The following TESK2 variants were observed in gnomAD, a reference collection of about 807,000 sequenced individuals.
TESK2 encodes dual specificity testis-specific protein kinase 2.
Under a neutral mutation model 57.1 loss-of-function variants are expected in TESK2, and 39 were observed. The observed-to-expected ratio is 0.68, with a 90% CI of 0.53 to 0.89. TESK2 has a LOEUF of 0.89. Among genes scored for constraint, TESK2 ranks in the 40% least tolerant of loss-of-function variants. TESK2 has a pLI of 0.00. For missense variants in TESK2, 646 were observed against 732.1 expected (o/e 0.88, Z 1.36); for synonymous variants, 249 against 267.9 (o/e 0.93, Z 0.69).
rs902189924 is a variant in TESK2 at position 45,377,421 on chromosome 1, T to C, written c.393+8491A>G. ...AAGGATTCTAATAAGAGAACAAGGA[T>C]TTTTTTTTTTTTTTTTTGAGACAGT... On this transcript the variant is annotated intron_variant, in intron 4 of 10. Transcript: ENST00000372086. 1.3e-3 allele frequency among the ~76,000 whole-genome samples: 152 copies of C among 116,266 alleles called. No homozygotes were observed. The East Asian group carries it at 0.023, about 17-fold the overall frequency. 76.3% of individuals were successfully genotyped at this position (116,266 alleles called of 152,430 possible). A position where few individuals can be genotyped will look rare whatever the true frequency, so the allele number is the denominator to read the frequency against.
chr1:45,349,195 G>A (rs1426536581), intron 5 of TESK2, among the ~76,000 whole-genome samples: 2 of 151,378 alleles, frequency 1.3e-5, no homozygotes, highest in Non-Finnish European at 2.9e-5. Flanking sequence ...GCTTACTCCT[G>A]TCAGGTACAA....
intron 4 of TESK2, among the ~76,000 whole-genome samples, chr1:45,378,827 C>T (rs1020741524): frequency 6.6e-6 from 1 of 152,146 alleles, no homozygotes; most frequent in Non-Finnish European, 1.5e-5. Context: ...TCTACCTTCC[C>T]GTGTATTTTC....
chr1:45,398,873 C>T (rs1228190799), intron 3 of TESK2: 3 of 411,668 alleles, frequency 7.3e-6, no homozygotes, highest in African/African-American at 6.4e-5. Flanking sequence ...CAGCTTCTTC[C>T]TTCATCTGCC....
At chr1:45,464,651 C>T (rs1652466206) in intron 1 of TESK2, among the ~76,000 whole-genome samples, 1 of 152,124 alleles carries the variant, frequency 6.6e-6, no homozygotes, top group African/African-American at 2.4e-5. Flanking sequence ...ATGTTTCATT[C>T]GTAACAAAAT....
At chr1:45,387,311 T>C (rs1000115116) in intron 3 of TESK2, among the ~76,000 whole-genome samples, 2 of 152,176 alleles carry the variant, frequency 1.3e-5, no homozygotes, top group South Asian at 2.1e-4. Context: ...ATTTAAGTGA[T>C]ATTTGAAGTT....
At chr1:45,391,534 T>C (rs1038845595) in intron 3 of TESK2, among the ~76,000 whole-genome samples, 1 of 152,196 alleles carries the variant, frequency 6.6e-6, no homozygotes, top group Non-Finnish European at 1.5e-5. Context: ...TATCTCTGCA[T>C]TTCTACTACC....
intron 1 of TESK2, among the ~76,000 whole-genome samples, chr1:45,482,451 C>G (rs1350139622): frequency 6.6e-6 from 1 of 151,994 alleles, no homozygotes; most frequent in Non-Finnish European, 1.5e-5. Flanking sequence ...TGGCTTGAGC[C>G]TGGGAGGTCG....
At chr1:45,402,864 A>G (rs896908387) in intron 3 of TESK2, among the ~76,000 whole-genome samples, 5 of 151,928 alleles carry the variant, frequency 3.3e-5, no homozygotes, top group African/African-American at 1.2e-4. Flanking sequence ...CCTGTAACGT[A>G]CTCTACCAGA....
At chr1:45,420,407 T>A (rs1228902731) in intron 3 of TESK2, among the ~76,000 whole-genome samples, 2 of 460 alleles carry the variant, frequency 4.3e-3, no homozygotes, top group Non-Finnish European at 0.053. Context: ...CCTGGCTAAT[T>A]TTTTTTTGTT....
intron 2 of TESK2, among the ~76,000 whole-genome samples, chr1:45,450,498 C>T (rs1481163515): frequency 6.6e-6 from 1 of 151,994 alleles, no homozygotes; most frequent in Non-Finnish European, 1.5e-5. Flanking sequence ...GGCAACAAAA[C>T]GAGACTCACA....
At chr1:45,490,359 G>C (rs1557594127) in intron 1 of TESK2, among the ~76,000 whole-genome samples, 1 of 152,198 alleles carries the variant, frequency 6.6e-6, no homozygotes, top group Admixed American at 6.5e-5. Context: ...GGGAGACGAT[G>C]ACAAGCGAGG....
At position 45,345,126 on chromosome 1, in the gene TESK2, G is replaced by A. The variant is rs764078445; in HGVS notation, c.1430C>T (p.Ser477Leu). The change falls in exon 11 of 11, where the codon TCG (serine) becomes TTG (leucine). Residue 477 changes from serine (S) to leucine (L), a missense_variant. Ser to Leu is a moderately radical substitution (Grantham distance 145). Transcript: ENST00000372086. ...GCGTGGTGGGGGCCCATCAGATAGC[G>A]ATTCTTCCCGGCCCACAAATGGACA... is the stretch of plus-strand genomic sequence containing the variant. ...EACPFVGREE[S>L]LSDGPPPRLS... is the part of the protein sequence containing the mutation. 10 of 1,614,036 alleles carry A rather than the reference G, an allele frequency of 6.2e-6. No homozygotes were observed. The highest frequency in any genetic ancestry group is 3.3e-5 in the Admixed American group (2 of 60,010).
chr1:45,469,473 C>T (rs1371534546), intron 1 of TESK2, among the ~76,000 whole-genome samples: 2 of 152,140 alleles, frequency 1.3e-5, no homozygotes, highest in South Asian at 2.1e-4. Context: ...ATGACTTCTC[C>T]AAATATAAAC....
chr1:45,432,732 C>T (rs1651025027), intron 2 of TESK2, among the ~76,000 whole-genome samples: 2 of 149,804 alleles, frequency 1.3e-5, no homozygotes, highest in Admixed American at 6.7e-5. Context: ...ATGATAGTCA[C>T]CATACTCTCC....
In TESK2 at chr1:45,346,731, G is replaced by T. The variant is rs769006888; in HGVS notation, c.841C>A (p.Pro281Thr). ...AAAGTAAGTTGCAGAAAATCTGGGGGACAGTCTCCCACCATGTGCTGGAAA... is the reference window on the plus strand; with the variant it reads ...AAAGTAAGTTGCAGAAAATCTGGGGTACAGTCTCCCACCATGTGCTGGAAA... ...DAFQHMVGDC[P>T]PDFLQLTFNC... Residue 281 changes from proline to threonine, a missense_variant, in exon 9 of 11, where the codon CCC (proline) becomes ACC (threonine). By Grantham distance (38) the Pro-to-Thr change is conservative (BLOSUM62 -1). Transcript: ENST00000372086. 6.2e-7 allele frequency: 1 copy of T among 1,614,022 alleles called. No homozygotes were observed. The highest frequency in any genetic ancestry group is 8.5e-7 in the Non-Finnish European group (1 of 1,179,998).
intron 2 of TESK2, among the ~76,000 whole-genome samples, chr1:45,445,624 C>T (rs1235619627): frequency 9.3e-6 from 1 of 108,098 alleles, no homozygotes; most frequent in Non-Finnish European, 1.9e-5. Context: ...CTGTCTCTAC[C>T]AAAAAAAAAA....
At chr1:45,428,546 A>G (rs563238144) in intron 2 of TESK2, among the ~76,000 whole-genome samples, 23 of 152,162 alleles carry the variant, frequency 1.5e-4, no homozygotes, top group Admixed American at 1.5e-3. Context: ...TCTGTCACCC[A>G]TGTTTGAATG....
intron 4 of TESK2, among the ~76,000 whole-genome samples, chr1:45,366,960 C>G (rs1337659596): frequency 6.6e-6 from 1 of 152,004 alleles, no homozygotes; most frequent in Non-Finnish European, 1.5e-5. Flanking sequence ...ATGGCAAAAC[C>G]TTGTCTCTGC....
intron 4 of TESK2, among the ~76,000 whole-genome samples, chr1:45,370,651 G>A (rs186380668): frequency 2.6e-5 from 4 of 152,294 alleles, no homozygotes; most frequent in South Asian, 2.1e-4. Context: ...GTTGGGCCAG[G>A]GGGGATGAAG....
Sources: allele counts gnomAD v4.1 joint callset (sites outside exome capture counted in the v4.1 genomes callset), GRCh38; gene constraint gnomAD v4.1.1; transcripts MANE v1.5; gene names NCBI Gene and HGNC (gene_info 2026-07-23, HGNC 2026-07-21).